Variants in LMF2 observed in about 807,000 individuals in gnomAD.
The protein encoded by LMF2 is lipase maturation factor 2.
Under a neutral mutation model 81.5 loss-of-function variants are expected in LMF2, and 113 were observed. That is an observed-to-expected ratio of 1.39 (90% confidence interval 1.19 to 1.62). LMF2 has a LOEUF of 1.62. Ranked by LOEUF, LMF2 falls within the 40% of genes most tolerant of loss-of-function variation. The pLI is 0.00. For missense variants in LMF2, 1,235 were observed against 929.1 expected, an observed-to-expected ratio of 1.33 and a Z score of -4.28; for synonymous variants, 645 against 424.5, an observed-to-expected ratio of 1.52 and a Z score of -6.39.
chr22:50,507,253 C>A, intron 1 of LMF2: 2 of 715,364 alleles, frequency 2.8e-6, no homozygotes, highest in Non-Finnish European at 4.5e-6. Flanking sequence ...TGAGTCAGGG[C>A]CTCCCACCCA....
In LMF2 at chr22:50,505,531, G is replaced by A. The variant is rs759462899; in HGVS notation, c.923C>T (p.Pro308Leu). 9.9e-6 allele frequency: 16 copies of A among 1,612,532 alleles called. No homozygotes were observed. The South Asian group carries it at 1.3e-4, about 13-fold the overall frequency. The change falls in exon 7 of 14, where the codon CCC becomes CTC. Residue 308 changes from proline to leucine, a missense_variant. By Grantham distance (98) the Pro-to-Leu change is moderately conservative. Coordinates refer to ENST00000474879, the MANE Select transcript of LMF2 (RefSeq NM_033200.3). Reference protein sequence around the residue: ...GSRKKTATSWPKALLATLSLL... With the variant: ...GSRKKTATSWLKALLATLSLL... Reference sequence around the variant, plus strand: ...CGACAGGGTGGCCAGCAGGGCCTTGGGCCAGGCTGTGGGGCAGGACAGTCA... The same window carrying A: ...CGACAGGGTGGCCAGCAGGGCCTTGAGCCAGGCTGTGGGGCAGGACAGTCA...
Position 50,503,469 on chromosome 22 carries a change from G to T in LMF2, c.2046C>A (p.Ser682=). ...EKRRPASQKD[S]GAASEQATAA... Reference sequence around the variant, plus strand: ...CGGTGGCCTGTTCGGAGGCAGCTCCGGAGTCTTTCTGGGAGGCTGGCCTGC... The same window carrying T: ...CGGTGGCCTGTTCGGAGGCAGCTCCTGAGTCTTTCTGGGAGGCTGGCCTGC... Residue 682 remains serine (S), a synonymous_variant, in exon 14 of 14, where the codon TCC becomes TCA. Transcript: ENST00000474879. 1.3e-6 allele frequency: 2 copies of T among 1,597,106 alleles called. No homozygotes were observed. The highest frequency in any genetic ancestry group is 1.7e-6 in the Non-Finnish European group (2 of 1,174,800).
rs367726131 is a variant in LMF2, at chr22:50,505,823, C to T, written c.775-8G>A. ...CAGGACCTGCAGCAGCACCTGGGGG[C>T]GGCCCGCTCTCAGTGCTCCCGGAGA... is the stretch of plus-strand genomic sequence containing the variant. On this transcript the variant is annotated splice_polypyrimidine_tract_variant and splice_region_variant and intron_variant, in intron 5 of 13. Coordinates refer to ENST00000474879, the MANE Select transcript of LMF2 (RefSeq NM_033200.3). 4.3e-6 allele frequency: 7 copies of T among 1,612,274 alleles called. No individual in the cohort carries two copies. The highest frequency in any genetic ancestry group is 3.3e-5 in the South Asian group (3 of 91,032).
At chr22:50,505,357 G>A (rs1165646552) in intron 7 of LMF2, 23 bp from the exon 8 acceptor site, 2 of 1,613,246 alleles carry the variant, frequency 1.2e-6, no homozygotes, top group Admixed American at 1.7e-5. Flanking sequence ...GGGGGTGTGA[G>A]GACTGGTCCG....
rs1240554163 is a variant in LMF2, at chr22:50,505,429, T to C, written c.1025A>G (p.Gln342Arg). 3.7e-6 allele frequency: 6 copies of C among 1,612,956 alleles called. No individual in the cohort carries two copies. Among genetic ancestry groups the C allele is most frequent in the South Asian group, 1.1e-5 (1 of 91,086 alleles). The stretch of plus-strand genomic sequence containing the variant: ...GGTTCTGGAGTGGATGGTGCGCTGC[T>C]GCCAGTCAACCTCCAGGCCAAAGTA... The part of the protein sequence containing the change: ...VHYFGLEVDW[Q>R]QRTIHSRTTF... The change falls in exon 7 of 14, where the codon CAG (glutamine) becomes CGG (arginine). Residue 342 changes from glutamine (Q) to arginine (R), a missense_variant. Gln to Arg is a conservative substitution (Grantham distance 43). Coordinates refer to ENST00000474879, the MANE Select transcript of LMF2 (RefSeq NM_033200.3).
At chr22:50,507,225 G>C (rs980126956) in intron 1 of LMF2, 190 bp from the exon 2 acceptor site, 14 of 938,968 alleles carry the variant, frequency 1.5e-5, no homozygotes, top group Non-Finnish European at 4.6e-6. Flanking sequence ...CCCAGGGCTA[G>C]AGGCCTGCTC....
rs538197630 is a variant in LMF2, at chr22:50,505,386, C to A, written c.1051+17G>T. The A allele has an allele frequency of 2.5e-6, 4 of 1,613,132 alleles. No individual in the cohort carries two copies. Among genetic ancestry groups the A allele is most frequent in the Non-Finnish European group, 3.4e-6 (4 of 1,180,046 alleles). On this transcript the variant is annotated intron_variant, in intron 7 of 13. Coordinates refer to ENST00000474879, the MANE Select transcript of LMF2 (RefSeq NM_033200.3). ...TGGTCCGCCCCTGCCCTCTGGCCCC[C>A]CCAGGTCGGCACTCACTGGTTCTGG...
In LMF2 at chr22:50,503,560, A is replaced by G; in HGVS notation, c.1955T>C (p.Val652Ala). 1 of 1,542,936 alleles carries G rather than the reference A, an allele frequency of 6.5e-7. No homozygotes were observed. The highest frequency in any genetic ancestry group is 1.2e-5 in the South Asian group (1 of 81,824). ...LLMAVGAVRF[V>A]QALLAPCSLR... Reference sequence around the variant, plus strand: ...AGAACAGGGTGCTAGCAGGGCTTGCACAAATCTGACAGCCCCCACGGCCAT... The same window carrying G: ...AGAACAGGGTGCTAGCAGGGCTTGCGCAAATCTGACAGCCCCCACGGCCAT... The change falls in exon 14 of 14, where the codon GTG becomes GCG. Residue 652 changes from valine to alanine, a missense_variant. Physicochemically the swap from Val to Ala is moderately conservative, Grantham distance 64. Coordinates refer to ENST00000474879, the MANE Select transcript of LMF2 (RefSeq NM_033200.3).
At chr22:50,504,486 A>G in intron 11 of LMF2, 35 bp from the exon 12 acceptor site, 1 of 1,539,762 alleles carries the variant, frequency 6.5e-7, no homozygotes, top group Non-Finnish European at 8.8e-7. Context: ...CCCCCACAGT[A>G]CCCGCCCTGC....
intron 1 of LMF2, 78 bp downstream of exon 1, chr22:50,507,504 G>A: frequency 8.7e-7 from 1 of 1,149,684 alleles, no homozygotes; most frequent in Non-Finnish European, 1.3e-6. Flanking sequence ...CCCGGACTGC[G>A]TGAGTGCCGG....
At chr22:50,507,228 G>C in intron 1 of LMF2, 193 bp from the exon 2 acceptor site, 1 of 911,474 alleles carries the variant, frequency 1.1e-6, no homozygotes. Context: ...AGGGCTAGAG[G>C]CCTGCTCAAC....
chr22:50,504,690 C>CGGCT lies in LMF2; in HGVS notation c.1471_1474dup (p.Arg492GlnfsTer209), dbSNP rs2068508887. The CGGCT allele has an allele frequency of 6.2e-7, 1 of 1,609,572 alleles. No individual in the cohort carries two copies. The highest frequency in any genetic ancestry group is 1.7e-5 in the Admixed American group (1 of 59,484). ...GTGGGGCACCACAACCGGGGGCGGC[C>CGGCT]GGCTCAGGTTCCCAGGCTTGTACAT... On this transcript the variant is annotated frameshift_variant, in exon 11 of 14. Transcript: ENST00000474879. LOFTEE classifies it high-confidence loss of function.
At chr22:50,503,985 TC>T (rs1256717709) in intron 12 of LMF2, 81 bp from the exon 13 acceptor site, 2 of 1,171,662 alleles carry the variant, frequency 1.7e-6, no homozygotes, top group African/African-American at 3.4e-5. Flanking sequence ...TTACCCCTGC[TC>T]CTCAGCTCCT....
At position 50,504,968 on chromosome 22, in the gene LMF2, A is replaced by C; in HGVS notation, c.1271T>G (p.Val424Gly). 6.2e-7 allele frequency: 1 copy of C among 1,609,240 alleles called. No homozygotes were observed. Among genetic ancestry groups the C allele is most frequent in the African/African-American group, 1.3e-5 (1 of 74,936 alleles). ...GAGGCGCCCGTGGGTCCCGGGCTCCACGTAGGAGTACGGCACCTGGAGACA... is the reference window on the plus strand; with the variant it reads ...GAGGCGCCCGTGGGTCCCGGGCTCCCCGTAGGAGTACGGCACCTGGAGACA... ...FLISLVPYSY[V>G]EPGTHGRLWT... Residue 424 changes from valine to glycine, a missense_variant, in exon 10 of 14, where the codon GTG (valine) becomes GGG (glycine). Physicochemically the swap from Val to Gly is moderately radical, Grantham distance 109. Transcript: ENST00000474879.
In LMF2 at chr22:50,503,639, T is replaced by C; in HGVS notation, c.1876A>G (p.Thr626Ala). The change falls in exon 14 of 14, where the codon ACT becomes GCT. Residue 626 changes from threonine (T) to alanine (A), a missense_variant. Thr to Ala is a moderately conservative substitution (Grantham distance 58). Coordinates refer to ENST00000474879, the MANE Select transcript of LMF2 (RefSeq NM_033200.3). ...TCCAGGGGAGACAGCTGAGAGCGAG[T>C]CCAGTGGAGGGCCTGGGCCAGGGTG... ...NSTLAQALHW[T>A]RSQLSPLEAP... 4 of 1,422,046 alleles carry C rather than the reference T, an allele frequency of 2.8e-6. No homozygotes were observed. Among genetic ancestry groups the C allele is most frequent in the South Asian group, 1.2e-5 (1 of 86,200 alleles). The allele number at this position is 1,422,046 out of a possible 1,614,324, so 88.1% of individuals were successfully genotyped here.
chr22:50,503,401 C>G lies in LMF2; in HGVS notation c.2114G>C (p.Arg705Pro), dbSNP rs538396256. 2 of 1,610,208 alleles carry G rather than the reference C, an allele frequency of 1.2e-6. No homozygotes were observed. The highest frequency in any genetic ancestry group is 3.4e-5 in the Admixed American group (2 of 59,246). ...PCSSSSRTTR[R>P]KK ...GCTGGGAGAACACAGCTACTTCTTT[C>G]GCCGGGTGGTCCTCGAACTACTGGA... Residue 705 changes from arginine (R) to proline (P), a missense_variant, in exon 14 of 14, where the codon CGA (arginine) becomes CCA (proline). Transcript: ENST00000474879.
At position 50,506,889 on chromosome 22, in the gene LMF2, G is replaced by C; in HGVS notation, c.241C>G (p.Leu81Val). The C allele has an allele frequency of 1.9e-6, 3 of 1,584,986 alleles. No individual in the cohort carries two copies. Among genetic ancestry groups the C allele is most frequent in the Non-Finnish European group, 2.6e-6 (3 of 1,166,572 alleles). ...GCCACTAGTGCACCCAGCAGGCTCA[G>C]CAGCTCCAGGCCCTGGGCCGTGTCC... ...GLDTAQGLEL[L>V]SLLGALVALG... is the part of the protein sequence containing the mutation. Residue 81 changes from leucine (L) to valine (V), a missense_variant, in exon 2 of 14, where the codon CTG becomes GTG. By Grantham distance (32) the Leu-to-Val change is conservative. Coordinates refer to ENST00000474879, the MANE Select transcript of LMF2 (RefSeq NM_033200.3).
chr22:50,505,871 G>C, intron 5 of LMF2, 56 bp from the exon 6 acceptor site: 1 of 1,603,566 alleles, frequency 6.2e-7, no homozygotes, highest in Non-Finnish European at 8.5e-7. Flanking sequence ...CCCGTGGCAG[G>C]CACCCACCTC....
In LMF2 at chr22:50,505,398, C is replaced by T. The variant is rs1410903821; in HGVS notation, c.1051+5G>A. On this transcript the variant is annotated splice_donor_5th_base_variant and intron_variant, in intron 7 of 13. Coordinates refer to ENST00000474879, the MANE Select transcript of LMF2 (RefSeq NM_033200.3). Reference sequence around the variant, plus strand: ...GCCCTCTGGCCCCCCCAGGTCGGCACTCACTGGTTCTGGAGTGGATGGTGC... The same window carrying T: ...GCCCTCTGGCCCCCCCAGGTCGGCATTCACTGGTTCTGGAGTGGATGGTGC... 1.2e-6 allele frequency: 2 copies of T among 1,613,226 alleles called. No individual in the cohort carries two copies. Among genetic ancestry groups the T allele is most frequent in the Admixed American group, 1.7e-5 (1 of 60,036 alleles).
Sources: gnomAD v4.1 joint callset for allele counts on GRCh38, gnomAD v4.1.1 for gene constraint, MANE v1.5 for transcripts, NCBI Gene and HGNC (gene_info 2026-07-23, HGNC 2026-07-21) for gene names.